ONECUT3: variants seen among roughly 807,000 people sequenced by gnomAD.
The protein encoded by ONECUT3 is one cut domain family member 3.
In ONECUT3, 11 loss-of-function variants were observed where a neutral mutation model predicts 16.8. The ratio of observed to expected loss-of-function variants is 0.66; its 90% CI spans 0.41 to 1.09. ONECUT3 has a LOEUF of 1.09. ONECUT3 is among the 50% of genes least tolerant of loss of function. ONECUT3 has a pLI of 0.00. For synonymous variants in ONECUT3, 344 were observed against 310.7 expected (o/e 1.11, Z -1.13); for missense variants, 637 against 629.9 (o/e 1.01, Z -0.12).
chr19:1,779,528 G>GT lies in ONECUT3; in HGVS notation c.*4084dup, dbSNP rs1314493731. 6.6e-6 allele frequency: 1 copy of GT among 151,130 alleles called. No individual in the cohort carries two copies. The highest frequency in any genetic ancestry group is 1.9e-4 in the East Asian group (1 of 5,156). 9.4% of individuals were successfully genotyped at this position (151,130 alleles called of 1,614,324 possible). ...TTTTCTGGAGTCATGTCTTATAAGAGTATTTATTATTCTCTGTGTTCTGTG... is the reference window on the plus strand; with the variant it reads ...TTTTCTGGAGTCATGTCTTATAAGAGTTATTTATTATTCTCTGTGTTCTGTG... On this transcript the variant is annotated 3_prime_UTR_variant, in exon 2 of 2. Transcript: ENST00000382349.
At position 1,758,465 on chromosome 19, in the gene ONECUT3, C is replaced by G. The variant is rs2067929582; in HGVS notation, c.1192+3611C>G. Among the ~76,000 whole-genome samples, 1 of 152,066 alleles carries G rather than the reference C, an allele frequency of 6.6e-6. No homozygotes were observed. The highest frequency in any genetic ancestry group is 1.5e-5 in the Non-Finnish European group (1 of 67,994). On this transcript the variant is annotated intron_variant, in intron 1 of 1. Coordinates refer to ENST00000382349, the MANE Select transcript of ONECUT3 (RefSeq NM_001080488.2). This position sits in a 1 kb window ranked among gnomAD's most constrained non-coding sequence, Gnocchi z 5.9. ...GGGAATAGGTGTTTTCCTTGTTTCA[C>G]CAAAGCACGCAAGAAATCCCACCGC...
chr19:1,760,421 G>A (rs1317307463), intron 1 of ONECUT3, among the ~76,000 whole-genome samples: 1 of 151,692 alleles, frequency 6.6e-6, no homozygotes, highest in Admixed American at 6.6e-5. Context: ...GAAGGGACCG[G>A]CGGGGGGGCG....
At chr19:1,757,070 G>A (rs2067919977) in intron 1 of ONECUT3, among the ~76,000 whole-genome samples, 1 of 151,740 alleles carries the variant, frequency 6.6e-6, no homozygotes, top group Admixed American at 6.6e-5. Context: ...TGCAGATTTG[G>A]GGGCCACAGA....
chr19:1,778,913 C>CACACACACACACACACACACACACACA lies in ONECUT3; in HGVS notation c.*3468_*3469insACACACACACACACACACACACACACA, dbSNP rs2068134193. On this transcript the variant is annotated 3_prime_UTR_variant, in exon 2 of 2. Transcript: ENST00000382349. ...ACACACACACACACACACACACACACCCCTACCTGTTTCCGGACCCCACCC... is the reference window on the plus strand; with the variant it reads ...ACACACACACACACACACACACACACACACACACACACACACACACACACACACCCTACCTGTTTCCGGACCCCACCC... 1 of 149,208 alleles carries CACACACACACACACACACACACACACA rather than the reference C, an allele frequency of 6.7e-6. No homozygotes were observed. Among genetic ancestry groups the CACACACACACACACACACACACACACA allele is most frequent in the African/African-American group, 2.5e-5 (1 of 39,676 alleles). 9.2% of individuals were successfully genotyped at this position (149,208 alleles called of 1,614,324 possible). A position where few individuals can be genotyped will look rare whatever the true frequency, so the allele number is the denominator to read the frequency against.
Position 1,754,699 on chromosome 19 carries a change from A to G in ONECUT3, c.1037A>G (p.Gln346Arg). The G allele has an allele frequency of 6.5e-7, 1 of 1,537,482 alleles. No homozygotes were observed. Among genetic ancestry groups the G allele is most frequent in the Non-Finnish European group, 8.7e-7 (1 of 1,143,298 alleles). Residue 346 changes from glutamine (Q) to arginine (R), a missense_variant, in exon 1 of 2, where the codon CAG becomes CGG. Gln to Arg is a conservative substitution (Grantham distance 43, BLOSUM62 1). This residue lies in a region of ONECUT3 where 35 missense variants were observed against 63.8 expected (regional missense o/e 0.55). Transcript: ENST00000382349. This position sits in a 1 kb window ranked among gnomAD's most constrained non-coding sequence, Gnocchi z 7.4. ...RYSIPQAIFA[Q>R]RILCRSQGTL... ...AGCATCCCGCAGGCAATCTTCGCGCAGCGGATCCTGTGTCGCTCTCAGGGC... is the reference window on the plus strand; with the variant it reads ...AGCATCCCGCAGGCAATCTTCGCGCGGCGGATCCTGTGTCGCTCTCAGGGC...
Position 1,777,979 on chromosome 19 carries a change from G to C in ONECUT3, c.*2534G>C, listed in dbSNP as rs2068125431. The C allele has an allele frequency of 9.8e-6, 1 of 102,048 alleles. No individual in the cohort carries two copies. Among genetic ancestry groups the C allele is most frequent in the African/African-American group, 4.3e-5 (1 of 23,012 alleles). 6.3% of individuals were successfully genotyped at this position (102,048 alleles called of 1,614,324 possible). ...CACTACACTCTAGCCTGGGCAACGA[G>C]AGCAAAACTCCCTCTCAAAAAAAAA... On this transcript the variant is annotated 3_prime_UTR_variant, in exon 2 of 2. Transcript: ENST00000382349.
intron 1 of ONECUT3, among the ~76,000 whole-genome samples, chr19:1,757,128 C>T (rs1016690528): frequency 5.1e-5 from 7 of 138,208 alleles, no homozygotes; most frequent in African/African-American, 1.9e-4. Context: ...GGCGAGAAGT[C>T]CCATGGGGGG....
rs1299280336 is a variant in ONECUT3, at chr19:1,762,832, G to C, written c.1192+7978G>C. On this transcript the variant is annotated intron_variant, in intron 1 of 1. Coordinates refer to ENST00000382349, the MANE Select transcript of ONECUT3 (RefSeq NM_001080488.2). The surrounding 1 kb of genome is among the most constrained non-coding windows in gnomAD (Gnocchi z 4.4). ...CGCCCCAGAACCGCGGCCGTCCTGG[G>C]TGCGCTCAGCTCCAGCGCAGTGGGA... is the stretch of plus-strand genomic sequence containing the variant. Among the ~76,000 whole-genome samples, 1 of 152,166 alleles carries C rather than the reference G, an allele frequency of 6.6e-6. No homozygotes were observed. Among genetic ancestry groups the C allele is most frequent in the Non-Finnish European group, 1.5e-5 (1 of 68,020 alleles).
At position 1,753,541 on chromosome 19, in the gene ONECUT3, C is replaced by G. The variant is rs140011596; in HGVS notation, c.-122C>G. The G allele has an allele frequency of 0.03, 8,750 of 288,816 alleles. 188 individuals are homozygous for G. Among genetic ancestry groups the G allele is most frequent in the African/African-American group, 0.067 (2,941 of 43,908 alleles). 17.9% of individuals were successfully genotyped at this position (288,816 alleles called of 1,614,324 possible). ...GGCCGCGCTCGCAGCCGGGCCGGGC[C>G]GTGCGCCGCGCAGCCTGGCAGCCTC... is the stretch of plus-strand genomic sequence containing the variant. On this transcript the variant is annotated 5_prime_UTR_variant, in exon 1 of 2. Transcript: ENST00000382349.
chr19:1,776,765 C>G lies in ONECUT3; in HGVS notation c.*1320C>G, dbSNP rs1457946742. Reference sequence around the variant, plus strand: ...AGGAACCTCCTCCCTGAAATCCCCCCACTCATCGGCTGCCTCCCAGGGAGG... The same window carrying G: ...AGGAACCTCCTCCCTGAAATCCCCCGACTCATCGGCTGCCTCCCAGGGAGG... On this transcript the variant is annotated 3_prime_UTR_variant, in exon 2 of 2. Coordinates refer to ENST00000382349, the MANE Select transcript of ONECUT3 (RefSeq NM_001080488.2). The surrounding 1 kb of genome is among the most constrained non-coding windows in gnomAD (Gnocchi z 4.9). 6.6e-6 allele frequency: 1 copy of G among 151,684 alleles called. No individual in the cohort carries two copies. The highest frequency in any genetic ancestry group is 1.5e-5 in the Non-Finnish European group (1 of 67,916). 9.4% of individuals were successfully genotyped at this position (151,684 alleles called of 1,614,324 possible).
rs1363405466 is a variant in ONECUT3 at position 1,776,195 on chromosome 19, G to C, written c.*750G>C. 6.6e-6 allele frequency: 1 copy of C among 151,896 alleles called. No homozygotes were observed. The highest frequency in any genetic ancestry group is 2.4e-5 in the African/African-American group (1 of 41,294). 9.4% of individuals were successfully genotyped at this position (151,896 alleles called of 1,614,324 possible). ...CACCCCATCCCAGGCCGCAGGGGAC[G>C]GGGGGCTCCCACGTGCGGGTAAATT... On this transcript the variant is annotated 3_prime_UTR_variant, in exon 2 of 2. Transcript: ENST00000382349. The surrounding 1 kb of genome is among the most constrained non-coding windows in gnomAD (Gnocchi z 4.9).
chr19:1,762,509 G>A lies in ONECUT3; in HGVS notation c.1192+7655G>A, dbSNP rs554858093. Among the ~76,000 whole-genome samples, 444 of 152,364 alleles carry A rather than the reference G, an allele frequency of 2.9e-3. 5 individuals carry two copies. Among genetic ancestry groups the A allele is most frequent in the African/African-American group, 8.9e-3 (371 of 41,578 alleles). On this transcript the variant is annotated intron_variant, in intron 1 of 1. Transcript: ENST00000382349. This position sits in a 1 kb window ranked among gnomAD's most constrained non-coding sequence, Gnocchi z 4.4. ...CAGCAAACGCCGTCCCGCAGCACCC[G>A]GGAAGCTGCGGAGTCGGGCTGGGGC...
chr19:1,757,140 G>A lies in ONECUT3; in HGVS notation c.1192+2286G>A, dbSNP rs921198684. Among the ~76,000 whole-genome samples the A allele has an allele frequency of 2.1e-4, 32 of 150,866 alleles. 1 individual carries two copies. The highest frequency in any genetic ancestry group is 7.0e-4 in the African/African-American group (29 of 41,310). On this transcript the variant is annotated intron_variant, in intron 1 of 1. Transcript: ENST00000382349. Reference sequence around the variant, plus strand: ...GCAGGCGAGAAGTCCCATGGGGGGGGGGTGGGCTCCCCGCAGCCGGGTCAG... The same window carrying A: ...GCAGGCGAGAAGTCCCATGGGGGGGAGGTGGGCTCCCCGCAGCCGGGTCAG...
intron 1 of ONECUT3, among the ~76,000 whole-genome samples, chr19:1,774,332 G>A (rs1343193092): frequency 1.3e-5 from 2 of 152,004 alleles, no homozygotes; most frequent in Non-Finnish European, 2.9e-5. Flanking sequence ...TGTAATCCCA[G>A]TGCTTTGGGA....
At chr19:1,773,679 CG>C (rs1257080973) in intron 1 of ONECUT3, among the ~76,000 whole-genome samples, 4 of 152,128 alleles carry the variant, frequency 2.6e-5, no homozygotes, top group Non-Finnish European at 5.9e-5. Flanking sequence ...GCTGGAACTC[CG>C]GGATGGAGAC....
At position 1,765,563 on chromosome 19, in the gene ONECUT3, C is replaced by A. The variant is rs1054405016; in HGVS notation, c.1193-9590C>A. 5.3e-5 allele frequency among the ~76,000 whole-genome samples: 8 copies of A among 152,274 alleles called. No individual in the cohort carries two copies. The East Asian group carries it at 1.5e-3, about 29-fold the overall frequency. On this transcript the variant is annotated intron_variant, in intron 1 of 1. Coordinates refer to ENST00000382349, the MANE Select transcript of ONECUT3 (RefSeq NM_001080488.2). ...GCTGTCCTGTGACTGTGAGTGGAGGCCAGCTCCTGGAGCTGCCTCTCTCTG... is the reference window on the plus strand; with the variant it reads ...GCTGTCCTGTGACTGTGAGTGGAGGACAGCTCCTGGAGCTGCCTCTCTCTG...
At chr19:1,771,988 A>ATTATTTAT (rs61311263) in intron 1 of ONECUT3, among the ~76,000 whole-genome samples, 6,644 of 141,320 alleles carry the variant, frequency 0.047, 168 homozygotes, top group Middle Eastern at 0.075. Context: ...CTATTTAGTT[A>ATTATTTAT]TTATTTATTT....
rs1327747345 is a variant in ONECUT3 at position 1,755,149 on chromosome 19, G to A, written c.1192+295G>A. On this transcript the variant is annotated intron_variant, in intron 1 of 1. Coordinates refer to ENST00000382349, the MANE Select transcript of ONECUT3 (RefSeq NM_001080488.2). This position sits in a 1 kb window ranked among gnomAD's most constrained non-coding sequence, Gnocchi z 7.5. Reference sequence around the variant, plus strand: ...CCTTGTTAGACTGCTGGGAGGCTCCGAGCCTCTCCCCAAGCAGCCCTCAGG... The same window carrying A: ...CCTTGTTAGACTGCTGGGAGGCTCCAAGCCTCTCCCCAAGCAGCCCTCAGG... 1.3e-5 allele frequency among the ~76,000 whole-genome samples: 2 copies of A among 152,268 alleles called. No homozygotes were observed. Among genetic ancestry groups the A allele is most frequent in the South Asian group, 2.1e-4 (1 of 4,830 alleles).
chr19:1,765,617 G>T (rs2067980003), intron 1 of ONECUT3, among the ~76,000 whole-genome samples: 1 of 152,220 alleles, frequency 6.6e-6, no homozygotes, highest in Non-Finnish European at 1.5e-5. Flanking sequence ...TCCCTGAATG[G>T]TGAATGGATG....
Sources: gnomAD v4.1 joint callset for allele counts (sites outside exome capture counted in the v4.1 genomes callset) on GRCh38, gnomAD v4.1.1 for gene constraint, gnomAD v4.1.1 regional missense constraint, Gnocchi (gnomAD v3.1) non-coding constraint, MANE v1.5 for transcripts, NCBI Gene and HGNC (gene_info 2026-07-23, HGNC 2026-07-21) for gene names.